SPOCK3: variants seen among roughly 807,000 people sequenced by gnomAD.
The protein encoded by SPOCK3 is SPARC (osteonectin), cwcv and kazal like domains proteoglycan 3, also known as testican-3.
Under a neutral mutation model 56.6 loss-of-function variants are expected in SPOCK3, and 30 were observed. That is an observed-to-expected ratio of 0.53 (90% CI 0.40 to 0.72). SPOCK3 has a LOEUF of 0.72. SPOCK3 is among the 30% of genes least tolerant of loss of function. The pLI is 0.00. For synonymous variants in SPOCK3, 196 were observed against 183.3 expected, an observed-to-expected ratio of 1.07 and a Z score of -0.56; for missense variants, 527 against 530.0, an observed-to-expected ratio of 0.99 and a Z score of 0.06.
At chr4:166,961,504 G>C (rs1744144004) in intron 4 of SPOCK3, among the ~76,000 whole-genome samples, 1 of 151,334 alleles carries the variant, frequency 6.6e-6, no homozygotes, top group South Asian at 2.1e-4. Context: ...AAATTTTATA[G>C]TCATGGGCAA....
chr4:167,194,441 A>T (rs1732747829), intron 2 of SPOCK3, among the ~76,000 whole-genome samples: 5 of 152,148 alleles, frequency 3.3e-5, no homozygotes, highest in Admixed American at 1.3e-4. Context: ...GCATGCTACT[A>T]GAGCTTTATT....
chr4:166,856,461 T>C (rs1730678008), intron 6 of SPOCK3, among the ~76,000 whole-genome samples: 1 of 152,174 alleles, frequency 6.6e-6, no homozygotes, highest in African/African-American at 2.4e-5. Context: ...AATTGTTATT[T>C]GTCATTTAAA....
At chr4:166,804,867 A>T (rs62355250) in intron 6 of SPOCK3, among the ~76,000 whole-genome samples, 5,350 of 152,170 alleles carry the variant, frequency 0.035, 102 homozygotes, top group African/African-American at 0.053. Flanking sequence ...ATCCTTAAGA[A>T]TTACTATTCT....
At chr4:167,156,152 G>A (rs545071600) in intron 2 of SPOCK3, among the ~76,000 whole-genome samples, 3 of 152,082 alleles carry the variant, frequency 2.0e-5, no homozygotes, top group South Asian at 2.1e-4. Context: ...TATTTTTAAC[G>A]CTAAGTCTTC....
At chr4:166,983,883 T>G (rs940479184) in intron 4 of SPOCK3, among the ~76,000 whole-genome samples, 10 of 152,036 alleles carry the variant, frequency 6.6e-5, no homozygotes, top group Non-Finnish European at 1.0e-4. Context: ...GTCTTACAGA[T>G]AGTAGGTACT....
At position 166,754,624 on chromosome 4, in the gene SPOCK3, C is replaced by T. The variant is rs773238961; in HGVS notation, c.815G>A (p.Ser272Asn). 5 of 1,613,694 alleles carry T rather than the reference C, an allele frequency of 3.1e-6. No individual in the cohort carries two copies. Among genetic ancestry groups the T allele is most frequent in the South Asian group, 2.2e-5 (2 of 91,072 alleles). Residue 272 changes from serine (S) to asparagine (N), a missense_variant, in exon 8 of 11, where the codon AGC (serine) becomes AAC (asparagine). By Grantham distance (46) the Ser-to-Asn change is conservative. Coordinates refer to ENST00000357545, the MANE Select transcript of SPOCK3 (RefSeq NM_001040159.2). ...CTGTTCATTCTTATCAAGGTAAATG[C>T]TTCTGAGCTCTGACTGGTCCAATAG... ...DLLLDQSELRSIYLDKNEQCT... is the reference protein window; with the variant it reads ...DLLLDQSELRNIYLDKNEQCT...
intron 2 of SPOCK3, among the ~76,000 whole-genome samples, chr4:167,202,070 A>G (rs1272695097): frequency 6.6e-6 from 1 of 151,990 alleles, no homozygotes; most frequent in Non-Finnish European, 1.5e-5. Context: ...AATTTATTAA[A>G]TAACAGTATA....
At chr4:167,083,396 C>A in intron 2 of SPOCK3, 1 of 744,500 alleles carries the variant, frequency 1.3e-6, no homozygotes, top group Non-Finnish European at 2.5e-6. Flanking sequence ...CTCTAAGTGT[C>A]CCTGTGGCTG....
Position 166,788,861 on chromosome 4 carries a change from A to AT in SPOCK3, c.709+3308dup, listed in dbSNP as rs143910323. Among the ~76,000 whole-genome samples, 851 of 152,138 alleles carry AT rather than the reference A, an allele frequency of 5.6e-3. 8 individuals carry two copies. The highest frequency in any genetic ancestry group is 9.5e-3 in the Non-Finnish European group (644 of 67,980). ...AAATTATAAAAGATTCATGAAAAAC[A>AT]TTTTTTCATCATCAATGCTGGCTAA... On this transcript the variant is annotated intron_variant, in intron 7 of 10. Coordinates refer to ENST00000357545, the MANE Select transcript of SPOCK3 (RefSeq NM_001040159.2).
At chr4:167,159,527 C>A (rs1580469437) in intron 2 of SPOCK3, among the ~76,000 whole-genome samples, 1 of 152,062 alleles carries the variant, frequency 6.6e-6, no homozygotes, top group Non-Finnish European at 1.5e-5. Context: ...GGAATCCTCC[C>A]TAACTCATTT....
chr4:166,886,378 A>G (rs1177311600), intron 6 of SPOCK3, among the ~76,000 whole-genome samples: 1 of 152,168 alleles, frequency 6.6e-6, no homozygotes. Flanking sequence ...TTAGAAAATG[A>G]GAAAACTGTA....
intron 2 of SPOCK3, among the ~76,000 whole-genome samples, chr4:167,131,031 T>C (rs558167976): frequency 3.9e-5 from 6 of 152,232 alleles, no homozygotes; most frequent in African/African-American, 1.4e-4. Context: ...CAAACCTTAA[T>C]AGACCTGATA....
At chr4:167,098,030 T>C (rs1033524803) in intron 2 of SPOCK3, among the ~76,000 whole-genome samples, 4 of 152,028 alleles carry the variant, frequency 2.6e-5, no homozygotes, top group African/African-American at 7.2e-5. Context: ...GTGTCCCCTG[T>C]GGTATAGCTT....
chr4:166,925,168 C>T (rs967174678), intron 4 of SPOCK3, among the ~76,000 whole-genome samples: 12 of 152,026 alleles, frequency 7.9e-5, no homozygotes, highest in Non-Finnish European at 1.6e-4. Context: ...TAGCTGTATT[C>T]TAATAAAACA....
intron 4 of SPOCK3, among the ~76,000 whole-genome samples, chr4:166,975,877 A>ATT (rs1400917743): frequency 6.6e-6 from 1 of 152,060 alleles, no homozygotes; most frequent in Non-Finnish European, 1.5e-5. Flanking sequence ...CTAGTACTCT[A>ATT]TTGTGTATAT....
chr4:166,797,240 T>G (rs952638825), intron 6 of SPOCK3, among the ~76,000 whole-genome samples: 1 of 148,530 alleles, frequency 6.7e-6, no homozygotes, highest in Non-Finnish European at 1.5e-5. Context: ...TTTCTTTTTT[T>G]TTTTTTTTTT....
intron 4 of SPOCK3, among the ~76,000 whole-genome samples, chr4:166,969,771 T>C (rs768523939): frequency 1.1e-4 from 17 of 152,168 alleles, no homozygotes; most frequent in Admixed American, 3.3e-4. Flanking sequence ...AATAGACTAA[T>C]ACAGAAGGCT....
At chr4:166,764,974 T>G (rs1195702215) in intron 7 of SPOCK3, among the ~76,000 whole-genome samples, 1 of 152,186 alleles carries the variant, frequency 6.6e-6, no homozygotes, top group Non-Finnish European at 1.5e-5. Context: ...GTCTGTTGGC[T>G]GCATAAATGT....
intron 6 of SPOCK3, among the ~76,000 whole-genome samples, chr4:166,837,172 G>A (rs1746705476): frequency 6.6e-6 from 1 of 152,174 alleles, no homozygotes; most frequent in African/African-American, 2.4e-5. Flanking sequence ...AGATTGGGAA[G>A]TCTTTAAGAT....
Sources: allele counts gnomAD v4.1 joint callset (sites outside exome capture counted in the v4.1 genomes callset), GRCh38; gene constraint gnomAD v4.1.1; transcripts MANE v1.5; gene names NCBI Gene and HGNC (gene_info 2026-07-23, HGNC 2026-07-21).